SLIT3: variants seen among roughly 807,000 people sequenced by gnomAD.
SLIT3 encodes the protein slit homolog 3 protein.
Under a neutral mutation model 184.0 loss-of-function variants are expected in SLIT3, and 68 were observed. That is an observed-to-expected ratio of 0.37 (90% CI 0.30 to 0.45). SLIT3 has a LOEUF of 0.45. Ranked by LOEUF, SLIT3 falls within the 20% of genes least tolerant of loss-of-function variation. The pLI, the probability that SLIT3 is intolerant of heterozygous loss-of-function variation, is 1.00. For missense variants in SLIT3, 1,707 were observed against 2,026.0 expected (o/e 0.84, Z 3.02); for synonymous variants, 831 against 828.6 (o/e 1.00, Z -0.05).
intron 4 of SLIT3, among the ~76,000 whole-genome samples, chr5:168,972,593 A>G (rs908475133): frequency 3.3e-5 from 5 of 152,096 alleles, no homozygotes; most frequent in Admixed American, 2.0e-4. Context: ...TGAAAATGGC[A>G]TATTACCTTT....
chr5:168,793,635 G>C (rs76679949), intron 10 of SLIT3, among the ~76,000 whole-genome samples: 2,059 of 152,256 alleles, frequency 0.014, 19 homozygotes, highest in Middle Eastern at 0.02. Flanking sequence ...GTTGGAGAAG[G>C]AACAGTAAAA....
At chr5:169,220,419 A>G (rs571964166) in intron 3 of SLIT3, among the ~76,000 whole-genome samples, 95 of 151,972 alleles carry the variant, frequency 6.3e-4, no homozygotes, top group African/African-American at 2.3e-3. Flanking sequence ...GGCCTTGGGG[A>G]TGTGTATTTT....
chr5:169,024,150 C>G (rs1756716225), intron 4 of SLIT3: 1 of 152,180 alleles, frequency 6.6e-6, no homozygotes, highest in African/African-American at 2.4e-5. Context: ...GAACTTAATC[C>G]CAAGAGCAGA....
rs188488618 is a variant in SLIT3 at position 168,778,756 on chromosome 5, T to C, written c.1152-4378A>G. ...AACAGCAATAGCACACAAGGTGGGA[T>C]GTCCCAGCTGGCCTCATTCAAGAGG... On this transcript the variant is annotated intron_variant, in intron 12 of 35. Transcript: ENST00000519560. 3.7e-3 allele frequency among the ~76,000 whole-genome samples: 570 copies of C among 152,348 alleles called. 1 individual carries two copies. The highest frequency in any genetic ancestry group is 0.02 in the Middle Eastern group (6 of 294).
At chr5:168,713,673 CAACTGAAGTT>C (rs1762631353) in intron 23 of SLIT3, among the ~76,000 whole-genome samples, 1 of 152,222 alleles carries the variant, frequency 6.6e-6, no homozygotes, top group Non-Finnish European at 1.5e-5. Flanking sequence ...CTTCTCCCTT[CAACTGAAGTT>C]AGCTTGCCCT....
chr5:168,955,760 A>C (rs1419791297), intron 4 of SLIT3, among the ~76,000 whole-genome samples: 1 of 152,236 alleles, frequency 6.6e-6, no homozygotes. Flanking sequence ...GTTGAGGCCA[A>C]GGAGGGAGAT....
At chr5:169,034,912 AGTGT>A (rs112102059) in intron 4 of SLIT3, among the ~76,000 whole-genome samples, 19,681 of 132,100 alleles carry the variant, frequency 0.15, 1,435 homozygotes, top group East Asian at 0.38. Flanking sequence ...ACGCCCAGCT[AGTGT>A]GTGTGTGTGT....
intron 4 of SLIT3, among the ~76,000 whole-genome samples, chr5:168,908,457 G>A (rs1244139166): frequency 6.6e-6 from 1 of 152,158 alleles, no homozygotes; most frequent in African/African-American, 2.4e-5. Flanking sequence ...AGACGGATGA[G>A]CGGTGGAGAG....
rs1041101423 is a variant in SLIT3, at chr5:168,779,214, C to A, written c.1152-4836G>T. 2.6e-5 allele frequency among the ~76,000 whole-genome samples: 4 copies of A among 152,182 alleles called. No homozygotes were observed. The East Asian group carries it at 7.7e-4, about 29-fold the overall frequency. Reference sequence around the variant, plus strand: ...GGTAGGATAGTATTTGGACTCACGACATCATAGCCCAAAGATTTTGTTTCC... The same window carrying A: ...GGTAGGATAGTATTTGGACTCACGAAATCATAGCCCAAAGATTTTGTTTCC... On this transcript the variant is annotated intron_variant, in intron 12 of 35. Coordinates refer to ENST00000519560, the MANE Select transcript of SLIT3 (RefSeq NM_003062.4).
chr5:169,143,996 A>C (rs1408156477), intron 4 of SLIT3, among the ~76,000 whole-genome samples: 2 of 152,248 alleles, frequency 1.3e-5, no homozygotes, highest in African/African-American at 2.4e-5. Flanking sequence ...GTGTGAGTTA[A>C]GGACTATGAT....
At chr5:168,691,531 C>T (rs973595430) in intron 29 of SLIT3, among the ~76,000 whole-genome samples, 3 of 152,198 alleles carry the variant, frequency 2.0e-5, no homozygotes, top group African/African-American at 7.2e-5. Flanking sequence ...GCTGGAGATG[C>T]CACTGGTGGG....
chr5:169,145,203 C>T lies in SLIT3; in HGVS notation c.413+48276G>A, dbSNP rs559873405. Reference sequence around the variant, plus strand: ...CCTCCTTAGACCTGACCAGAATTGCCGGGCTCTGGAGAAACCCATTGTTTC... The same window carrying T: ...CCTCCTTAGACCTGACCAGAATTGCTGGGCTCTGGAGAAACCCATTGTTTC... On this transcript the variant is annotated intron_variant, in intron 4 of 35. Transcript: ENST00000519560. Among the ~76,000 whole-genome samples the T allele has an allele frequency of 5.9e-5, 9 of 152,208 alleles. 1 individual carries two copies. The highest frequency in any genetic ancestry group is 1.4e-4 in the African/African-American group (6 of 41,524).
chr5:168,820,225 G>A (rs143177441), intron 7 of SLIT3, among the ~76,000 whole-genome samples: 248 of 152,212 alleles, frequency 1.6e-3, no homozygotes, highest in African/African-American at 5.7e-3. Context: ...AGGGAGGGTG[G>A]CCTCCATAGG....
At chr5:168,967,461 AC>A (rs1305388335) in intron 4 of SLIT3, among the ~76,000 whole-genome samples, 1 of 1,240 alleles carries the variant, frequency 8.1e-4, no homozygotes, top group African/African-American at 2.5e-3. Flanking sequence ...TTTTTTTGAG[AC>A]GGAGTCTCGC....
At chr5:168,695,841 C>A (rs1168738468) in intron 28 of SLIT3, among the ~76,000 whole-genome samples, 2 of 152,122 alleles carry the variant, frequency 1.3e-5, no homozygotes, top group African/African-American at 2.4e-5. Context: ...GTCCACCTGA[C>A]TATAAACTTC....
At chr5:169,155,085 G>T (rs575231161) in intron 4 of SLIT3, among the ~76,000 whole-genome samples, 3 of 152,360 alleles carry the variant, frequency 2.0e-5, no homozygotes, top group African/African-American at 7.2e-5. Flanking sequence ...CCTGGTTAAA[G>T]TAATGACAGT....
chr5:168,952,243 A>G (rs561529339), intron 4 of SLIT3, among the ~76,000 whole-genome samples: 1 of 152,238 alleles, frequency 6.6e-6, no homozygotes, highest in Non-Finnish European at 1.5e-5. Context: ...AACGCAAAAT[A>G]GGATGCTGTG....
chr5:168,777,064 AACACACACACAC>A (rs556884651), intron 12 of SLIT3, among the ~76,000 whole-genome samples: 20 of 65,916 alleles, frequency 3.0e-4, no homozygotes, highest in African/African-American at 9.7e-4. Context: ...AATTTCATAC[AACACACACACAC>A]ACACACACAC....
At chr5:168,731,428 A>T (rs1763287134) in intron 20 of SLIT3, among the ~76,000 whole-genome samples, 1 of 152,088 alleles carries the variant, frequency 6.6e-6, no homozygotes, top group African/African-American at 2.4e-5. Flanking sequence ...ACTGAGAAGG[A>T]AGTAATTCTC....
Sources: allele counts gnomAD v4.1 joint callset (sites outside exome capture counted in the v4.1 genomes callset), GRCh38; gene constraint gnomAD v4.1.1; transcripts MANE v1.5; gene names NCBI Gene and HGNC (gene_info 2026-07-23, HGNC 2026-07-21).